Variants in CATSPERB observed in about 807,000 individuals in gnomAD.
CATSPERB encodes the protein cation channel sperm-associated auxiliary subunit beta.
CATSPERB carries 93 observed loss-of-function variants against 128.3 expected under a neutral mutation model. The observed-to-expected ratio is 0.72, with a 90% CI of 0.61 to 0.86. The LOEUF (loss-of-function observed/expected upper bound fraction) is 0.86. Ranked by LOEUF, CATSPERB falls within the 40% of genes least tolerant of loss-of-function variation. CATSPERB has a pLI of 0.00. For missense variants in CATSPERB, 1,153 were observed against 1,329.5 expected (o/e 0.87, Z 2.06); for synonymous variants, 381 against 448.8 (o/e 0.85, Z 1.91).
At chr14:91,660,120 A>T (rs1406751856) in intron 14 of CATSPERB, 139 bp from the exon 15 acceptor site, 148 of 363,740 alleles carry the variant, frequency 4.1e-4, no homozygotes, top group African/African-American at 9.7e-4. Context: ...TCTCTCTCAC[A>T]CACACACACA....
At chr14:91,647,277 G>A (rs61988752) in intron 15 of CATSPERB, among the ~76,000 whole-genome samples, 12,590 of 152,164 alleles carry the variant, frequency 0.083, 561 homozygotes, top group Middle Eastern at 0.16. Context: ...AATCTTTATC[G>A]TAAGGGTAGA....
chr14:91,632,829 A>G (rs1894302883), intron 17 of CATSPERB, among the ~76,000 whole-genome samples: 1 of 151,650 alleles, frequency 6.6e-6, no homozygotes, highest in Admixed American at 6.6e-5. Context: ...ACACACACAC[A>G]CACACATACA....
At chr14:91,620,656 T>C (rs1433989075) in intron 19 of CATSPERB, among the ~76,000 whole-genome samples, 2 of 152,218 alleles carry the variant, frequency 1.3e-5, no homozygotes, top group Admixed American at 1.3e-4. Flanking sequence ...AGAATTCTAC[T>C]TCAAGGTCTT....
At chr14:91,664,341 C>T (rs2139824743) in intron 14 of CATSPERB, among the ~76,000 whole-genome samples, 1 of 144,290 alleles carries the variant, frequency 6.9e-6, no homozygotes, top group South Asian at 2.4e-4. Flanking sequence ...TCTCGGCTCA[C>T]TGCAACCTCT....
At chr14:91,730,644 G>A (rs1435469415) in intron 1 of CATSPERB, among the ~76,000 whole-genome samples, 1 of 152,146 alleles carries the variant, frequency 6.6e-6, no homozygotes, top group Non-Finnish European at 1.5e-5. Flanking sequence ...TGACCTAGGA[G>A]TCTTGTGTCT....
At chr14:91,596,207 C>A (rs139466743) in intron 22 of CATSPERB, among the ~76,000 whole-genome samples, 259 of 152,048 alleles carry the variant, frequency 1.7e-3, no homozygotes, top group African/African-American at 6.1e-3. Context: ...TATAAATCCA[C>A]CCCCCTTTTT....
intron 5 of CATSPERB, among the ~76,000 whole-genome samples, chr14:91,716,712 T>TAC (rs34934524): frequency 0.15 from 20,030 of 137,452 alleles, 1,516 homozygotes; most frequent in Middle Eastern, 0.19. Flanking sequence ...TTTACAAGCA[T>TAC]ACACACACAC....
chr14:91,712,907 G>A (rs1042421449), intron 5 of CATSPERB, among the ~76,000 whole-genome samples: 1 of 152,152 alleles, frequency 6.6e-6, no homozygotes, highest in African/African-American at 2.4e-5. Flanking sequence ...GCAGACATGG[G>A]GAGAACACGA....
chr14:91,636,837 G>A (rs1336693951), intron 16 of CATSPERB, among the ~76,000 whole-genome samples: 2 of 152,210 alleles, frequency 1.3e-5, no homozygotes, highest in Non-Finnish European at 2.9e-5. Flanking sequence ...GATGGTTGGA[G>A]TGAAAGGGTA....
chr14:91,665,303 C>T (rs552146962), intron 14 of CATSPERB, among the ~76,000 whole-genome samples: 34 of 152,236 alleles, frequency 2.2e-4, no homozygotes, highest in Non-Finnish European at 3.2e-4. Flanking sequence ...CCAATCCATG[C>T]GCCCTAGGAA....
chr14:91,678,566 A>G (rs1360792032), intron 11 of CATSPERB, among the ~76,000 whole-genome samples: 1 of 152,236 alleles, frequency 6.6e-6, no homozygotes, highest in Non-Finnish European at 1.5e-5. Context: ...GAGTACTCAT[A>G]AATGAAATCC....
At chr14:91,674,349 G>A in intron 11 of CATSPERB, 127 bp from the exon 12 acceptor site, 1 of 595,364 alleles carries the variant, frequency 1.7e-6, no homozygotes, top group Non-Finnish European at 2.9e-6. Flanking sequence ...TATGGTAAAT[G>A]AAAATAATAA....
chr14:91,583,262 C>CA (rs530119267), intron 26 of CATSPERB, among the ~76,000 whole-genome samples: 39 of 152,196 alleles, frequency 2.6e-4, no homozygotes, highest in African/African-American at 9.4e-4. Context: ...ACCTAAAATA[C>CA]AAAAAATTTA....
chr14:91,720,601 G>C (rs1345939907), intron 4 of CATSPERB, among the ~76,000 whole-genome samples: 2 of 151,926 alleles, frequency 1.3e-5, no homozygotes, highest in Non-Finnish European at 2.9e-5. Flanking sequence ...TAAATGGAGA[G>C]ACATCCACCC....
intron 14 of CATSPERB, among the ~76,000 whole-genome samples, chr14:91,669,440 G>T (rs1471872552): frequency 6.6e-6 from 1 of 151,822 alleles, no homozygotes; most frequent in South Asian, 2.1e-4. Flanking sequence ...GAGCCAGAAA[G>T]TCAAGCTCAA....
intron 25 of CATSPERB, among the ~76,000 whole-genome samples, chr14:91,587,726 C>T (rs941845): frequency 0.56 from 85,485 of 151,742 alleles, 24,949 homozygotes; most frequent in East Asian, 0.93. Context: ...CTTTCACTTT[C>T]GGAAACACTC....
chr14:91,589,546 T>C lies in CATSPERB; in HGVS notation c.2944A>G (p.Asn982Asp). 2 of 1,613,162 alleles carry C rather than the reference T, an allele frequency of 1.2e-6. No homozygotes were observed. Among genetic ancestry groups the C allele is most frequent in the Non-Finnish European group, 1.7e-6 (2 of 1,179,444 alleles). Reference protein sequence around the residue: ...VTVTEVNMRHNWKLKHTVPEN... With the variant: ...VTVTEVNMRHDWKLKHTVPEN... Reference sequence around the variant, plus strand: ...AAGCAAACCCTACTCAGTTTCCAGTTGTGCCTCATGTTCACTTCAGTCACA... The same window carrying C: ...AAGCAAACCCTACTCAGTTTCCAGTCGTGCCTCATGTTCACTTCAGTCACA... The change falls in exon 24 of 27, where the codon AAC (asparagine) becomes GAC (aspartate). Residue 982 changes from asparagine (N) to aspartate (D), a missense_variant. Physicochemically the swap from Asn to Asp is conservative, Grantham distance 23. Transcript: ENST00000256343.
Position 91,591,978 on chromosome 14 carries a change from C to T in CATSPERB, c.2734G>A (p.Ala912Thr), listed in dbSNP as rs1193924996. The change falls in exon 23 of 27, where the codon GCT (alanine) becomes ACT (threonine). Residue 912 changes from alanine (A) to threonine (T), a missense_variant. By Grantham distance (58) the Ala-to-Thr change is moderately conservative (BLOSUM62 0). Coordinates refer to ENST00000256343, the MANE Select transcript of CATSPERB (RefSeq NM_024764.4). ...CACTCCTCCCGAGTGGAAACATTAG[C>T]ACACTGTTTGAATTTACCGGTTTTC... ...SKKTGKFKQC[A>T]NVSTREECNC... 1.2e-6 allele frequency: 2 copies of T among 1,613,716 alleles called. No individual in the cohort carries two copies. Among genetic ancestry groups the T allele is most frequent in the Non-Finnish European group, 1.7e-6 (2 of 1,179,694 alleles).
intron 15 of CATSPERB, among the ~76,000 whole-genome samples, chr14:91,653,287 A>T (rs928599372): frequency 6.6e-6 from 1 of 152,184 alleles, no homozygotes; most frequent in Non-Finnish European, 1.5e-5. Flanking sequence ...TTTCTGTTAG[A>T]CCTAATAAGA....
Sources: gnomAD v4.1 joint callset for allele counts (sites outside exome capture counted in the v4.1 genomes callset) on GRCh38, gnomAD v4.1.1 for gene constraint, MANE v1.5 for transcripts, NCBI Gene and HGNC (gene_info 2026-07-23, HGNC 2026-07-21) for gene names.